HPSE2: variants seen among roughly 807,000 people sequenced by gnomAD.
HPSE2 encodes the protein inactive heparanase-2.
Under a neutral mutation model 60.5 loss-of-function variants are expected in HPSE2, and 38 were observed. That is an observed-to-expected ratio of 0.63 (90% CI 0.48 to 0.82). The LOEUF (loss-of-function observed/expected upper bound fraction) is 0.82. Among genes scored for constraint, HPSE2 ranks in the 40% least tolerant of loss-of-function variants. The pLI, the probability that HPSE2 is intolerant of heterozygous loss-of-function variation, is 0.00. For synonymous variants in HPSE2, 295 were observed against 293.2 expected, an observed-to-expected ratio of 1.01 and a Z score of -0.06; for missense variants, 713 against 740.4, an observed-to-expected ratio of 0.96 and a Z score of 0.43.
At chr10:98,788,643 C>T (rs529874095) in intron 3 of HPSE2, among the ~76,000 whole-genome samples, 2 of 152,334 alleles carry the variant, frequency 1.3e-5, no homozygotes, top group African/African-American at 4.8e-5. Context: ...GATATCGTCT[C>T]GTGGTGCGCT....
chr10:98,789,274 A>G (rs757127900), intron 3 of HPSE2, among the ~76,000 whole-genome samples: 16 of 152,242 alleles, frequency 1.1e-4, no homozygotes, highest in Non-Finnish European at 1.0e-4. Flanking sequence ...GAATGCTAGT[A>G]TGAGAGATCC....
chr10:99,050,368 C>T (rs545586158), intron 3 of HPSE2, among the ~76,000 whole-genome samples: 1 of 151,422 alleles, frequency 6.6e-6, no homozygotes, highest in African/African-American at 2.4e-5. Context: ...GAAAAGGGAG[C>T]CTTTGTACAC....
chr10:98,548,176 A>C (rs1204175645), intron 9 of HPSE2, among the ~76,000 whole-genome samples: 1 of 152,226 alleles, frequency 6.6e-6, no homozygotes, highest in Non-Finnish European at 1.5e-5. Context: ...AGAGAAGAAC[A>C]TATTACTCAC....
At chr10:99,232,811 T>C (rs1352873641) in intron 1 of HPSE2, among the ~76,000 whole-genome samples, 1 of 152,254 alleles carries the variant, frequency 6.6e-6, no homozygotes. Flanking sequence ...AGTGTTTGTA[T>C]GGGGTGGGTG....
At chr10:99,197,844 T>C (rs1848452958) in intron 2 of HPSE2, among the ~76,000 whole-genome samples, 1 of 152,154 alleles carries the variant, frequency 6.6e-6, no homozygotes, top group South Asian at 2.1e-4. Flanking sequence ...GTGGATCACC[T>C]GAGATCAGGA....
intron 3 of HPSE2, among the ~76,000 whole-genome samples, chr10:98,850,434 T>C (rs1360528963): frequency 6.6e-6 from 1 of 152,032 alleles, no homozygotes; most frequent in African/African-American, 2.4e-5. Context: ...GGTATTATAG[T>C]GAGTTAAAAA....
chr10:99,060,286 A>C (rs975138776), intron 3 of HPSE2, among the ~76,000 whole-genome samples: 2 of 152,116 alleles, frequency 1.3e-5, no homozygotes, highest in African/African-American at 4.8e-5. Context: ...AAGATGGCCA[A>C]ATAGAATCTT....
intron 2 of HPSE2, among the ~76,000 whole-genome samples, chr10:99,160,760 G>A (rs992524690): frequency 1.3e-4 from 20 of 150,626 alleles, no homozygotes; most frequent in South Asian, 6.3e-4. Flanking sequence ...TTAGCCGGGC[G>A]TAGTGGCGGG....
the HPSE2 span, among the ~76,000 whole-genome samples, chr10:99,269,873 A>G: frequency 6.6e-6 from 1 of 152,214 alleles, no homozygotes; most frequent in African/African-American, 2.4e-5. Context: ...CTGCTCCTAA[A>G]CGATCATTGG....
At chr10:98,977,254 T>C (rs961744121) in intron 3 of HPSE2, among the ~76,000 whole-genome samples, 1 of 152,176 alleles carries the variant, frequency 6.6e-6, no homozygotes, top group African/African-American at 2.4e-5. Flanking sequence ...CCTTTATCAA[T>C]TTAGTGTAGT....
intron 3 of HPSE2, among the ~76,000 whole-genome samples, chr10:98,968,584 C>T (rs11189911): frequency 0.45 from 68,250 of 151,910 alleles, 17,640 homozygotes; most frequent in Non-Finnish European, 0.59. Flanking sequence ...TGCAAAAATA[C>T]GGAGCCAACC....
chr10:98,729,393 C>T (rs546925020), intron 4 of HPSE2, among the ~76,000 whole-genome samples: 44 of 152,084 alleles, frequency 2.9e-4, no homozygotes, highest in African/African-American at 8.2e-4. Flanking sequence ...GTAGGTCACG[C>T]GGTCAGGAGA....
intron 4 of HPSE2, among the ~76,000 whole-genome samples, chr10:98,731,382 TA>T (rs1315425118): frequency 6.6e-6 from 1 of 152,192 alleles, no homozygotes; most frequent in African/African-American, 2.4e-5. Flanking sequence ...ATTTACAAAG[TA>T]AGTCCAGCAA....
At chr10:99,183,315 A>G (rs1343628514) in intron 2 of HPSE2, among the ~76,000 whole-genome samples, 1 of 152,216 alleles carries the variant, frequency 6.6e-6, no homozygotes, top group Non-Finnish European at 1.5e-5. Flanking sequence ...GTAATGACCT[A>G]TGCATATATG....
At chr10:98,922,795 G>A (rs1357055893) in intron 3 of HPSE2, among the ~76,000 whole-genome samples, 1 of 152,150 alleles carries the variant, frequency 6.6e-6, no homozygotes, top group Non-Finnish European at 1.5e-5. Flanking sequence ...TGTTAACTTA[G>A]TGCCCTGGCT....
At chr10:98,641,762 G>T in intron 7 of HPSE2, 85 bp downstream of exon 7, 1 of 1,007,674 alleles carries the variant, frequency 9.9e-7, no homozygotes, top group Non-Finnish European at 1.6e-6. Context: ...TTCCCACAGT[G>T]CTGATGCCCA....
chr10:99,199,408 T>G (rs1041875855), intron 2 of HPSE2, among the ~76,000 whole-genome samples: 1 of 152,080 alleles, frequency 6.6e-6, no homozygotes, highest in African/African-American at 2.4e-5. Flanking sequence ...ATTTCCCTGA[T>G]GATTAGTGAT....
chr10:98,810,387 G>GA (rs540327016), intron 3 of HPSE2, among the ~76,000 whole-genome samples: 45 of 150,986 alleles, frequency 3.0e-4, no homozygotes, highest in African/African-American at 8.0e-4. Flanking sequence ...TTTAAAATGA[G>GA]AAAAAAAAAT....
intron 3 of HPSE2, among the ~76,000 whole-genome samples, chr10:99,076,004 A>G (rs1454164712): frequency 3.3e-5 from 5 of 152,176 alleles, no homozygotes; most frequent in African/African-American, 9.6e-5. Context: ...GAGTAGTTCA[A>G]ACCACTTACA....
Sources: allele counts gnomAD v4.1 joint callset (sites outside exome capture counted in the v4.1 genomes callset), GRCh38; gene constraint gnomAD v4.1.1; transcripts MANE v1.5; gene names NCBI Gene and HGNC (gene_info 2026-07-23, HGNC 2026-07-21).